GALNT13: variants seen among roughly 807,000 people sequenced by gnomAD.
GALNT13 encodes polypeptide N-acetylgalactosaminyltransferase 13.
A neutral mutation model predicts 64.2 loss-of-function variants in GALNT13; 28 were observed. The observed-to-expected ratio is 0.44, with a 90% CI of 0.32 to 0.60. GALNT13 has a LOEUF of 0.60. GALNT13 is among the 20% of genes least tolerant of loss of function. The pLI, the probability that GALNT13 is intolerant of heterozygous loss-of-function variation, is 0.05. For missense variants in GALNT13, 577 were observed against 669.8 expected, an observed-to-expected ratio of 0.86 and a Z score of 1.53; for synonymous variants, 214 against 224.6, an observed-to-expected ratio of 0.95 and a Z score of 0.42.
chr2:153,370,321 T>C, the GALNT13 span, among the ~76,000 whole-genome samples: 2 of 152,204 alleles, frequency 1.3e-5, no homozygotes, highest in Non-Finnish European at 2.9e-5. Context: ...ACTCATCTTA[T>C]GAGACCAGCA....
chr2:153,221,697 A>G, the GALNT13 span, among the ~76,000 whole-genome samples: 1 of 151,812 alleles, frequency 6.6e-6, no homozygotes, highest in Non-Finnish European at 1.5e-5. Flanking sequence ...GCAGTGAAGG[A>G]TGTGTGGGGC....
chr2:154,215,106 G>A (rs1573892230), intron 4 of GALNT13, among the ~76,000 whole-genome samples: 2 of 152,172 alleles, frequency 1.3e-5, no homozygotes, highest in South Asian at 4.1e-4. Context: ...ATCAAACCTA[G>A]ATGAGAAGAC....
At chr2:153,695,978 G>A in the GALNT13 span, among the ~76,000 whole-genome samples, 2 of 151,970 alleles carry the variant, frequency 1.3e-5, no homozygotes, top group Non-Finnish European at 2.9e-5. Context: ...TATTAGTCAG[G>A]GTTCTCTAGA....
At chr2:153,644,556 C>G in the GALNT13 span, among the ~76,000 whole-genome samples, 2 of 151,864 alleles carry the variant, frequency 1.3e-5, no homozygotes, top group African/African-American at 4.8e-5. Flanking sequence ...ATTATTGATT[C>G]CCATGGTTCA....
At chr2:154,437,321 C>A in intron 11 of GALNT13, 1 of 211,728 alleles carries the variant, frequency 4.7e-6, no homozygotes, top group South Asian at 5.5e-5. Context: ...AGTAGCAATG[C>A]TGCAGAGGCA....
At chr2:153,174,448 C>G in the GALNT13 span, among the ~76,000 whole-genome samples, 7 of 150,908 alleles carry the variant, frequency 4.6e-5, no homozygotes, top group Non-Finnish European at 1.0e-4. Flanking sequence ...ATTGGTGATA[C>G]CGCCAAAGCA....
intron 9 of GALNT13, among the ~76,000 whole-genome samples, chr2:154,381,152 G>A (rs973559353): frequency 6.6e-6 from 1 of 152,050 alleles, no homozygotes; most frequent in African/African-American, 2.4e-5. Flanking sequence ...GGAAGTAGGG[G>A]TAATAGCCTT....
chr2:153,982,830 A>C (rs1394454179), intron 3 of GALNT13, among the ~76,000 whole-genome samples: 1 of 151,224 alleles, frequency 6.6e-6, no homozygotes, highest in Non-Finnish European at 1.5e-5. Flanking sequence ...AGACATATTT[A>C]ATCTGTCTGG....
chr2:153,731,619 A>G, the GALNT13 span, among the ~76,000 whole-genome samples: 1 of 152,030 alleles, frequency 6.6e-6, no homozygotes, highest in African/African-American at 2.4e-5. Flanking sequence ...GACTATAAAT[A>G]TAGGATTCAA....
the GALNT13 span, among the ~76,000 whole-genome samples, chr2:153,632,368 C>A: frequency 6.6e-6 from 1 of 152,154 alleles, no homozygotes; most frequent in Admixed American, 6.5e-5. Flanking sequence ...TGATAAGCTA[C>A]TATTAACTAA....
At chr2:153,862,112 A>G in the GALNT13 span, among the ~76,000 whole-genome samples, 2 of 152,178 alleles carry the variant, frequency 1.3e-5, no homozygotes, top group Admixed American at 1.3e-4. Flanking sequence ...GAACTTTTCA[A>G]ATTCAATAAT....
At chr2:153,691,398 A>G in the GALNT13 span, among the ~76,000 whole-genome samples, 51 of 152,114 alleles carry the variant, frequency 3.4e-4, no homozygotes, top group African/African-American at 1.2e-3. Context: ...CAGTATGTGG[A>G]CAATTAGTAG....
At chr2:153,150,173 C>T in the GALNT13 span, among the ~76,000 whole-genome samples, 1 of 151,922 alleles carries the variant, frequency 6.6e-6, no homozygotes, top group Non-Finnish European at 1.5e-5. Context: ...TATTATTTGA[C>T]TTATATGATT....
intron 9 of GALNT13, among the ~76,000 whole-genome samples, chr2:154,310,907 G>T (rs2105127448): frequency 8.9e-6 from 1 of 112,696 alleles, no homozygotes; most frequent in East Asian, 3.2e-4. Flanking sequence ...GACAATGTCT[G>T]GCAAGTATCA....
intron 1 of GALNT13, among the ~76,000 whole-genome samples, chr2:153,893,072 T>A (rs1398726664): frequency 6.6e-6 from 1 of 152,062 alleles, no homozygotes; most frequent in African/African-American, 2.4e-5. Flanking sequence ...ATTCTAGGAT[T>A]CTTGTACTCA....
At chr2:153,439,693 C>A in the GALNT13 span, among the ~76,000 whole-genome samples, 1 of 152,114 alleles carries the variant, frequency 6.6e-6, no homozygotes, top group Non-Finnish European at 1.5e-5. Flanking sequence ...GTGGGAGTGA[C>A]CCAATTTTCC....
At chr2:154,193,005 A>G (rs536702876) in intron 4 of GALNT13, among the ~76,000 whole-genome samples, 5 of 152,290 alleles carry the variant, frequency 3.3e-5, no homozygotes, top group Non-Finnish European at 7.4e-5. Context: ...AATAATTAGA[A>G]TAGTTAGAGT....
intron 1 of GALNT13, among the ~76,000 whole-genome samples, chr2:153,882,345 T>G (rs1485582267): frequency 6.6e-6 from 1 of 152,076 alleles, no homozygotes; most frequent in Non-Finnish European, 1.5e-5. Context: ...CATGTATAGA[T>G]GAAATAGCCT....
the GALNT13 span, among the ~76,000 whole-genome samples, chr2:153,382,861 C>T: frequency 1.3e-5 from 2 of 151,810 alleles, no homozygotes; most frequent in African/African-American, 4.8e-5. Flanking sequence ...AATCAATGGT[C>T]AGTTAAAAAT....
Sources: allele counts gnomAD v4.1 joint callset (sites outside exome capture counted in the v4.1 genomes callset), GRCh38; gene constraint gnomAD v4.1.1; transcripts MANE v1.5; gene names NCBI Gene and HGNC (gene_info 2026-07-23, HGNC 2026-07-21).